The following TMEM117 variants were observed in gnomAD, a reference collection of about 807,000 sequenced individuals.
TMEM117 encodes the protein transmembrane protein 117.
A neutral mutation model predicts 52.4 loss-of-function variants in TMEM117; 27 were observed. That is an observed-to-expected ratio of 0.51 (90% confidence interval 0.38 to 0.71). The LOEUF is 0.71. Ranked by LOEUF, TMEM117 falls within the 30% of genes least tolerant of loss-of-function variation. The pLI is 0.00. For missense variants in TMEM117, 556 were observed against 630.5 expected (o/e 0.88, Z 1.26); for synonymous variants, 215 against 206.3 (o/e 1.04, Z -0.36).
intron 5 of TMEM117, among the ~76,000 whole-genome samples, chr12:44,264,228 G>T (rs1950351989): frequency 6.6e-6 from 1 of 152,094 alleles, no homozygotes. Context: ...TTACCTGGAT[G>T]ATCTCCCACT....
chr12:44,351,496 A>G (rs534744595), intron 6 of TMEM117, among the ~76,000 whole-genome samples: 147 of 152,094 alleles, frequency 9.7e-4, no homozygotes, highest in African/African-American at 3.3e-3. Flanking sequence ...TTGAGGTCTT[A>G]GATTTAAACC....
the TMEM117 span, among the ~76,000 whole-genome samples, chr12:43,813,133 T>G: frequency 6.6e-6 from 1 of 151,586 alleles, no homozygotes; most frequent in Non-Finnish European, 1.5e-5. Context: ...ACTGACTCCA[T>G]GGGTCCATCC....
At chr12:44,251,093 T>C (rs1950192509) in intron 5 of TMEM117, among the ~76,000 whole-genome samples, 1 of 152,156 alleles carries the variant, frequency 6.6e-6, no homozygotes, top group African/African-American at 2.4e-5. Context: ...ACATATTGTC[T>C]TGTCCAAGAT....
intron 3 of TMEM117, among the ~76,000 whole-genome samples, chr12:43,981,966 A>G (rs1945768370): frequency 6.6e-6 from 1 of 152,080 alleles, no homozygotes; most frequent in African/African-American, 2.4e-5. Flanking sequence ...GATGGTTAAC[A>G]GTAAGGTATT....
At position 44,006,964 on chromosome 12, in the gene TMEM117, A is replaced by G. The variant is rs143380542; in HGVS notation, c.410+62622A>G. Among the ~76,000 whole-genome samples the G allele has an allele frequency of 2.1e-4, 32 of 152,320 alleles. No individual in the cohort carries two copies. In the East Asian group the frequency reaches 6.2e-3, roughly 29 times the overall value. ...TTTACATGGTAACCTTCCTCAGTTT[A>G]GAGACATACTTGTTTTCTTACTTTT... On this transcript the variant is annotated intron_variant, in intron 3 of 7. Transcript: ENST00000266534.
At chr12:44,005,789 G>A (rs955012925) in intron 3 of TMEM117, among the ~76,000 whole-genome samples, 32 of 152,250 alleles carry the variant, frequency 2.1e-4, no homozygotes, top group African/African-American at 7.7e-4. Context: ...ATTGAATAAT[G>A]GGGGCGGGTC....
At chr12:44,137,704 C>T (rs1169025715) in intron 3 of TMEM117, among the ~76,000 whole-genome samples, 2 of 152,088 alleles carry the variant, frequency 1.3e-5, no homozygotes, top group Non-Finnish European at 2.9e-5. Flanking sequence ...CTATTTAAAA[C>T]CATCAGATCT....
chr12:44,321,579 A>G (rs1337147166), intron 6 of TMEM117, among the ~76,000 whole-genome samples: 2 of 152,168 alleles, frequency 1.3e-5, no homozygotes, highest in Non-Finnish European at 2.9e-5. Flanking sequence ...GCCGACAGGG[A>G]TGAATCTGGT....
chr12:44,190,491 C>T (rs1054254606), intron 4 of TMEM117, among the ~76,000 whole-genome samples: 1 of 152,062 alleles, frequency 6.6e-6, no homozygotes, highest in Non-Finnish European at 1.5e-5. Flanking sequence ...ATGCCTGTTG[C>T]TGACTTGTAG....
chr12:44,188,303 C>A (rs1362077581), intron 4 of TMEM117, among the ~76,000 whole-genome samples: 2 of 152,136 alleles, frequency 1.3e-5, no homozygotes, highest in Non-Finnish European at 2.9e-5. Flanking sequence ...TGCAGCTAAT[C>A]CTGATCCATT....
At chr12:44,208,725 G>GT (rs5797892) in intron 4 of TMEM117, among the ~76,000 whole-genome samples, 1,487 of 68,812 alleles carry the variant, frequency 0.022, 115 homozygotes, top group African/African-American at 0.066. Context: ...CAGAAAGAAT[G>GT]TTTTTTTTTT....
intron 3 of TMEM117, among the ~76,000 whole-genome samples, chr12:44,106,490 A>G (rs964936729): frequency 1.3e-5 from 2 of 152,114 alleles, no homozygotes; most frequent in Non-Finnish European, 2.9e-5. Flanking sequence ...TAACAATTAT[A>G]TATCTGGGTG....
intron 3 of TMEM117, among the ~76,000 whole-genome samples, chr12:43,958,210 A>G (rs1945340079): frequency 6.6e-6 from 1 of 152,192 alleles, no homozygotes; most frequent in South Asian, 2.1e-4. Flanking sequence ...CTATATGTTT[A>G]TAGACTTATT....
At chr12:44,062,126 A>G (rs56040109) in intron 3 of TMEM117, among the ~76,000 whole-genome samples, 9,635 of 152,242 alleles carry the variant, frequency 0.063, 480 homozygotes, top group African/African-American at 0.14. Flanking sequence ...AGATTTAAAG[A>G]AGGCAAATGT....
the TMEM117 span, among the ~76,000 whole-genome samples, chr12:43,821,785 C>G: frequency 6.6e-6 from 1 of 152,200 alleles, no homozygotes; most frequent in African/African-American, 2.4e-5. Context: ...TCAAATGTGA[C>G]TATCTGCAAG....
At chr12:44,107,587 G>A (rs916055539) in intron 3 of TMEM117, among the ~76,000 whole-genome samples, 1 of 152,076 alleles carries the variant, frequency 6.6e-6, no homozygotes, top group Non-Finnish European at 1.5e-5. Context: ...TTAACATATA[G>A]TAATGAAGGG....
the TMEM117 span, among the ~76,000 whole-genome samples, chr12:43,808,172 G>C: frequency 1.3e-5 from 2 of 152,188 alleles, no homozygotes; most frequent in Admixed American, 6.5e-5. Context: ...GGATCTTATA[G>C]ATCTTGACAA....
chr12:44,191,758 T>C (rs1304294206), intron 4 of TMEM117, among the ~76,000 whole-genome samples: 3 of 152,156 alleles, frequency 2.0e-5, no homozygotes, highest in African/African-American at 7.2e-5. Context: ...GCTATCACAA[T>C]GCTTAGTGGA....
rs145486694 is a variant in TMEM117, at chr12:43,978,541, A to G, written c.410+34199A>G. ...CCATTTTTACCAGAGCTGTCAGTAA[A>G]AGGTGTTAAAGCTTTAGGTATGGGG... On this transcript the variant is annotated intron_variant, in intron 3 of 7. Coordinates refer to ENST00000266534, the MANE Select transcript of TMEM117 (RefSeq NM_032256.3). Among the ~76,000 whole-genome samples, 1,289 of 152,246 alleles carry G rather than the reference A, an allele frequency of 8.5e-3. 13 individuals carry two copies. Among genetic ancestry groups the G allele is most frequent in the African/African-American group, 0.029 (1,225 of 41,546 alleles).
Sources: allele counts gnomAD v4.1 joint callset (sites outside exome capture counted in the v4.1 genomes callset), GRCh38; gene constraint gnomAD v4.1.1; transcripts MANE v1.5; gene names NCBI Gene and HGNC (gene_info 2026-07-23, HGNC 2026-07-21).